PDE4B: variants seen among roughly 807,000 people sequenced by gnomAD.
PDE4B encodes 3',5'-cyclic-AMP phosphodiesterase 4B.
PDE4B carries 20 observed loss-of-function variants against 82.2 expected under a neutral mutation model. The observed-to-expected ratio is 0.24, with a 90% CI of 0.17 to 0.35. The LOEUF is 0.35. PDE4B is among the 10% of genes least tolerant of loss of function. The pLI, the probability that PDE4B is intolerant of heterozygous loss-of-function variation, is 1.00. For missense variants in PDE4B, 655 were observed against 907.2 expected (o/e 0.72, Z 3.57); for synonymous variants, 320 against 318.9 (o/e 1.00, Z -0.04).
intron 7 of PDE4B, among the ~76,000 whole-genome samples, chr1:66,277,597 T>A (rs1021184192): frequency 2.0e-5 from 3 of 152,086 alleles, no homozygotes; most frequent in African/African-American, 4.8e-5. Context: ...GGTTTCACTA[T>A]GTTAGCCAGG....
intron 3 of PDE4B, among the ~76,000 whole-genome samples, chr1:66,107,195 A>G (rs1645381666): frequency 6.6e-6 from 1 of 151,276 alleles, no homozygotes; most frequent in Non-Finnish European, 1.5e-5. Context: ...TTTGTTATGT[A>G]CCCAGTAGTC....
chr1:65,966,791 A>T (rs558375815), intron 3 of PDE4B, among the ~76,000 whole-genome samples: 2 of 152,326 alleles, frequency 1.3e-5, no homozygotes, highest in East Asian at 3.9e-4. Context: ...TGGGGAAAAG[A>T]TTCCCTATTT....
At chr1:66,265,945 A>G (rs1655001940) in intron 6 of PDE4B, 93 bp from the exon 7 acceptor site, 1 of 898,168 alleles carries the variant, frequency 1.1e-6, no homozygotes, top group Non-Finnish European at 1.9e-6. Context: ...TATGACCTGG[A>G]AAAGTCCTCA....
At chr1:65,960,887 T>G (rs1649510799) in intron 3 of PDE4B, among the ~76,000 whole-genome samples, 1 of 152,162 alleles carries the variant, frequency 6.6e-6, no homozygotes, top group Non-Finnish European at 1.5e-5. Flanking sequence ...CTCTCTGAAC[T>G]CAACTTCCAC....
chr1:66,357,448 A>G (rs1557724608), intron 9 of PDE4B, among the ~76,000 whole-genome samples: 1 of 152,096 alleles, frequency 6.6e-6, no homozygotes, highest in African/African-American at 2.4e-5. Flanking sequence ...GCTAAATATG[A>G]GCGCTGAGTC....
intron 3 of PDE4B, among the ~76,000 whole-genome samples, chr1:66,009,128 C>A (rs567855291): frequency 6.6e-6 from 1 of 152,290 alleles, no homozygotes; most frequent in South Asian, 2.1e-4. Context: ...TGTTCCAAAT[C>A]TTTTCCATTG....
At chr1:66,149,767 C>T (rs1646354518) in intron 3 of PDE4B, among the ~76,000 whole-genome samples, 1 of 152,124 alleles carries the variant, frequency 6.6e-6, no homozygotes, top group South Asian at 2.1e-4. Flanking sequence ...GCAGGAGCAT[C>T]CCTTGATCCC....
intron 3 of PDE4B, among the ~76,000 whole-genome samples, chr1:65,919,229 C>T (rs1187884916): frequency 6.6e-6 from 1 of 152,216 alleles, no homozygotes; most frequent in Non-Finnish European, 1.5e-5. Flanking sequence ...CTCTACACTT[C>T]TCCCTAGCTT....
In PDE4B at chr1:66,076,684, G is replaced by A. The variant is rs574010367; in HGVS notation, c.281+157849G>A. Among the ~76,000 whole-genome samples the A allele has an allele frequency of 3.9e-5, 6 of 152,248 alleles. No individual in the cohort carries two copies. In the South Asian group the frequency reaches 1.2e-3, roughly 32 times the overall value. ...GCCGTGCCAGCATCTGTTGCTTTTA[G>A]ACTTTTTAACAAAGACCATTCTGAG... On this transcript the variant is annotated intron_variant, in intron 3 of 16. Transcript: ENST00000341517.
intron 3 of PDE4B, among the ~76,000 whole-genome samples, chr1:66,107,795 C>T (rs568345817): frequency 6.6e-6 from 1 of 151,942 alleles, no homozygotes; most frequent in East Asian, 1.9e-4. Flanking sequence ...TGAATATGAT[C>T]AATCTGAGTT....
chr1:65,877,595 A>G (rs1646660490), intron 1 of PDE4B, among the ~76,000 whole-genome samples: 1 of 151,648 alleles, frequency 6.6e-6, no homozygotes, highest in Non-Finnish European at 1.5e-5. Flanking sequence ...AGCCTGGGCG[A>G]TAGAGCAAGA....
Position 65,918,587 on chromosome 1 carries a change from G to A in PDE4B, c.43-10G>A, listed in dbSNP as rs371774255. On this transcript the variant is annotated splice_polypyrimidine_tract_variant and intron_variant, in intron 2 of 16. Coordinates refer to ENST00000341517, the MANE Select transcript of PDE4B (RefSeq NM_002600.4). Reference sequence around the variant, plus strand: ...TCTCTTCTTTTTTTCTTTCCCTGTGGTTCCTCCAGAATGTTAAAGATTATT... The same window carrying A: ...TCTCTTCTTTTTTTCTTTCCCTGTGATTCCTCCAGAATGTTAAAGATTATT... 15 of 1,452,802 alleles carry A rather than the reference G, an allele frequency of 1.0e-5. No homozygotes were observed. Among genetic ancestry groups the A allele is most frequent in the African/African-American group, 1.4e-5 (1 of 71,828 alleles). 90.0% of individuals were successfully genotyped at this position (1,452,802 alleles called of 1,614,324 possible).
chr1:66,159,396 C>G (rs540286719), intron 3 of PDE4B, among the ~76,000 whole-genome samples: 1 of 151,144 alleles, frequency 6.6e-6, no homozygotes, highest in Non-Finnish European at 1.5e-5. Flanking sequence ...TGTGCCACCA[C>G]GCCCAGCTAT....
chr1:66,234,628 T>C (rs528531176), intron 3 of PDE4B, among the ~76,000 whole-genome samples: 3 of 152,284 alleles, frequency 2.0e-5, no homozygotes, highest in Non-Finnish European at 2.9e-5. Flanking sequence ...ATTTTTATAG[T>C]ATCTTTAGAG....
chr1:65,989,409 T>C (rs1651123991), intron 3 of PDE4B, among the ~76,000 whole-genome samples: 1 of 151,942 alleles, frequency 6.6e-6, no homozygotes, highest in Non-Finnish European at 1.5e-5. Context: ...GTAGGATCGC[T>C]TGAACCCGGA....
At chr1:65,796,646 CTTT>C (rs71058429) in intron 1 of PDE4B, among the ~76,000 whole-genome samples, 9 of 76,288 alleles carry the variant, frequency 1.2e-4, no homozygotes, top group Non-Finnish European at 1.7e-4. Context: ...CTTGCTGAAA[CTTT>C]TTTTTTTTTT....
At chr1:66,044,914 A>C (rs989311167) in intron 3 of PDE4B, among the ~76,000 whole-genome samples, 1 of 151,904 alleles carries the variant, frequency 6.6e-6, no homozygotes, top group Middle Eastern at 3.4e-3. Flanking sequence ...TTTACAAAAT[A>C]TAAACTTGAG....
intron 8 of PDE4B, among the ~76,000 whole-genome samples, chr1:66,333,184 AAC>A (rs1660255058): frequency 6.6e-6 from 1 of 152,202 alleles, no homozygotes; most frequent in Non-Finnish European, 1.5e-5. Flanking sequence ...TTGTCTCCAA[AAC>A]CAGAGGTTTT....
intron 7 of PDE4B, among the ~76,000 whole-genome samples, chr1:66,326,816 T>A (rs1038109525): frequency 6.6e-6 from 1 of 152,244 alleles, no homozygotes; most frequent in African/African-American, 2.4e-5. Flanking sequence ...TAATCATGTG[T>A]AATTGAGGGC....
Sources: allele counts gnomAD v4.1 joint callset (sites outside exome capture counted in the v4.1 genomes callset), GRCh38; gene constraint gnomAD v4.1.1; transcripts MANE v1.5; gene names NCBI Gene and HGNC (gene_info 2026-07-23, HGNC 2026-07-21).